Variants in PTPRO observed in about 807,000 individuals in gnomAD.
PTPRO encodes protein tyrosine phosphatase receptor type O.
PTPRO carries 62 observed loss-of-function variants against 145.2 expected under a neutral mutation model. The ratio of observed to expected loss-of-function variants is 0.43; its 90% CI spans 0.35 to 0.53. The LOEUF is 0.53. Among genes scored for constraint, PTPRO ranks in the 20% least tolerant of loss-of-function variants. PTPRO has a pLI of 0.01. For synonymous variants in PTPRO, 565 were observed against 514.7 expected (o/e 1.10, Z -1.32); for missense variants, 1,345 against 1,482.7 (o/e 0.91, Z 1.53).
At chr12:15,409,489 G>A (rs2136310364) in intron 1 of PTPRO, among the ~76,000 whole-genome samples, 1 of 152,176 alleles carries the variant, frequency 6.6e-6, no homozygotes, top group South Asian at 2.1e-4. Context: ...TTCTTCCATC[G>A]TCTTATATAT....
intron 10 of PTPRO, among the ~76,000 whole-genome samples, chr12:15,520,741 G>T (rs1047821795): frequency 1.3e-5 from 2 of 152,126 alleles, no homozygotes; most frequent in African/African-American, 4.8e-5. Context: ...GTCCCTTGTG[G>T]AAATTAAAAA....
At chr12:15,387,170 C>A (rs887776378) in intron 1 of PTPRO, among the ~76,000 whole-genome samples, 10 of 152,140 alleles carry the variant, frequency 6.6e-5, no homozygotes, top group Non-Finnish European at 1.2e-4. Flanking sequence ...ATCATGCCAC[C>A]CCACTTCATT....
At chr12:15,498,280 A>G (rs1432278151) in intron 3 of PTPRO, among the ~76,000 whole-genome samples, 1 of 152,030 alleles carries the variant, frequency 6.6e-6, no homozygotes, top group Non-Finnish European at 1.5e-5. Flanking sequence ...TGGGGCTGGG[A>G]GTGGTGGCTC....
At chr12:15,589,431 T>A in intron 24 of PTPRO, 24 bp from the exon 25 acceptor site, 1 of 1,613,346 alleles carries the variant, frequency 6.2e-7, no homozygotes, top group Non-Finnish European at 8.5e-7. Context: ...CTGAATAATA[T>A]GCCATCGGAA....
rs1309680776 is a variant in PTPRO at position 15,322,876 on chromosome 12, T to A, written c.75+75T>A. The A allele has an allele frequency of 4.7e-6, 7 of 1,484,436 alleles. No homozygotes were observed. Among genetic ancestry groups the A allele is most frequent in the Non-Finnish European group, 6.4e-6 (7 of 1,086,400 alleles). 92.0% of individuals were successfully genotyped at this position (1,484,436 alleles called of 1,614,324 possible). On this transcript the variant is annotated intron_variant, in intron 1 of 26. Coordinates refer to ENST00000281171, the MANE Select transcript of PTPRO (RefSeq NM_030667.3). The surrounding 1 kb of genome is among the most constrained non-coding windows in gnomAD (Gnocchi z 6.3). Reference sequence around the variant, plus strand: ...CGCTCCGGCGCCCTCGCTCTGCCGTTGGGAGCGGCGCGCCCCAGGGCACGA... The same window carrying A: ...CGCTCCGGCGCCCTCGCTCTGCCGTAGGGAGCGGCGCGCCCCAGGGCACGA...
chr12:15,593,071 T>C (rs1253270250), intron 25 of PTPRO, among the ~76,000 whole-genome samples: 1 of 152,242 alleles, frequency 6.6e-6, no homozygotes, highest in Non-Finnish European at 1.5e-5. Flanking sequence ...AGGCAATCTC[T>C]GGTCTTATCT....
intron 1 of PTPRO, among the ~76,000 whole-genome samples, chr12:15,324,361 TTGGTTGGG>T (rs1301602857): frequency 6.6e-6 from 1 of 152,170 alleles, no homozygotes; most frequent in Non-Finnish European, 1.5e-5. Flanking sequence ...AGAGAATGAC[TTGGTTGGG>T]AGTGGGGGTA....
At chr12:15,353,208 T>A (rs1444367489) in intron 1 of PTPRO, among the ~76,000 whole-genome samples, 1 of 151,946 alleles carries the variant, frequency 6.6e-6, no homozygotes, top group Non-Finnish European at 1.5e-5. Context: ...ACCTACCCAC[T>A]CATCTACCCC....
chr12:15,513,975 C>T (rs1195840700), intron 7 of PTPRO, among the ~76,000 whole-genome samples: 2 of 152,100 alleles, frequency 1.3e-5, no homozygotes, highest in African/African-American at 4.8e-5. Flanking sequence ...TGTGTTCTTT[C>T]CACCAAGCAA....
chr12:15,498,389 T>C (rs1457273929), intron 3 of PTPRO, among the ~76,000 whole-genome samples: 5 of 152,118 alleles, frequency 3.3e-5, no homozygotes, highest in Non-Finnish European at 2.9e-5. Flanking sequence ...ACACCGTCTC[T>C]ACTAAAACAT....
intron 1 of PTPRO, among the ~76,000 whole-genome samples, chr12:15,452,780 A>G (rs1941079075): frequency 6.6e-6 from 1 of 152,212 alleles, no homozygotes. Flanking sequence ...TGCCTTTACT[A>G]CACAGAGTTG....
Position 15,598,291 on chromosome 12 carries a change from T to C in PTPRO, c.*2218T>C, listed in dbSNP as rs1339713669. 1.3e-5 allele frequency among the ~76,000 whole-genome samples: 2 copies of C among 152,212 alleles called. No individual in the cohort carries two copies. The highest frequency in any genetic ancestry group is 2.9e-5 in the Non-Finnish European group (2 of 68,034). On this transcript the variant is annotated 3_prime_UTR_variant, in exon 27 of 27. Coordinates refer to ENST00000281171, the MANE Select transcript of PTPRO (RefSeq NM_030667.3). ...AATCCTGATAATGACTTTGGAATTA[T>C]CTCTCCTGGGTCTCAGTTAATAAAC...
At chr12:15,386,650 T>TAA (rs1939038143) in intron 1 of PTPRO, among the ~76,000 whole-genome samples, 1 of 152,168 alleles carries the variant, frequency 6.6e-6, no homozygotes, top group African/African-American at 2.4e-5. Context: ...CTGTATAATA[T>TAA]AGGTTTTCCA....
intron 1 of PTPRO, among the ~76,000 whole-genome samples, chr12:15,382,430 C>T (rs1458644560): frequency 6.6e-6 from 1 of 152,160 alleles, no homozygotes; most frequent in East Asian, 1.9e-4. Context: ...TGGAATCTGA[C>T]ATCTCAATAC....
At chr12:15,537,567 G>T (rs1411244126) in intron 12 of PTPRO, among the ~76,000 whole-genome samples, 1 of 152,134 alleles carries the variant, frequency 6.6e-6, no homozygotes, top group South Asian at 2.1e-4. Flanking sequence ...AGTCACTGGT[G>T]ATTTTGAGAA....
chr12:15,547,839 T>C (rs1434262693), intron 13 of PTPRO, among the ~76,000 whole-genome samples: 1 of 152,174 alleles, frequency 6.6e-6, no homozygotes, highest in Non-Finnish European at 1.5e-5. Flanking sequence ...TGGAAGAAAA[T>C]GCTGATGGCT....
At chr12:15,462,214 T>C (rs1171442656) in intron 1 of PTPRO, among the ~76,000 whole-genome samples, 2 of 152,144 alleles carry the variant, frequency 1.3e-5, no homozygotes, top group Non-Finnish European at 2.9e-5. Flanking sequence ...AACCTCCACC[T>C]CCTGGGTTCA....
rs767998618 is a variant in PTPRO, at chr12:15,551,660, G to C, written c.2547G>C (p.Leu849=). Residue 849 remains leucine, a synonymous_variant, in exon 15 of 27, where the codon CTG becomes CTC. Transcript: ENST00000281171. ...VTLIILRKKH[L]QMARECGAGT... is the part of the protein sequence containing the mutation. ...TCATTATTCTTAGGAAAAAGCATCTGCAGATGGCTAGGTAAGTTAAGTTTT... is the reference window on the plus strand; with the variant it reads ...TCATTATTCTTAGGAAAAAGCATCTCCAGATGGCTAGGTAAGTTAAGTTTT... The C allele has an allele frequency of 3.1e-6, 5 of 1,613,326 alleles. No homozygotes were observed. The South Asian group carries it at 5.5e-5, about 18-fold the overall frequency.
At chr12:15,432,661 ATC>A (rs1940476468) in intron 1 of PTPRO, among the ~76,000 whole-genome samples, 2 of 152,218 alleles carry the variant, frequency 1.3e-5, no homozygotes, top group Non-Finnish European at 2.9e-5. Context: ...CCTTGCCAGT[ATC>A]TGTTATTTTG....
Sources: allele counts gnomAD v4.1 joint callset (sites outside exome capture counted in the v4.1 genomes callset), GRCh38; gene constraint gnomAD v4.1.1; non-coding constraint Gnocchi (gnomAD v3.1); transcripts MANE v1.5; gene names NCBI Gene and HGNC (gene_info 2026-07-23, HGNC 2026-07-21).